Variants in NFYA observed in about 807,000 individuals in gnomAD.
The protein encoded by NFYA is CAAT-box DNA binding protein subunit A.
In NFYA, 28 loss-of-function variants were observed where a neutral mutation model predicts 52.8. The observed-to-expected ratio is 0.53, with a 90% CI of 0.39 to 0.73. The LOEUF (loss-of-function observed/expected upper bound fraction) is 0.73. NFYA is among the 30% of genes least tolerant of loss of function. The pLI is 0.00. For synonymous variants in NFYA, 150 were observed against 150.7 expected, an observed-to-expected ratio of 1.00 and a Z score of 0.03; for missense variants, 234 against 427.0, an observed-to-expected ratio of 0.55 and a Z score of 3.98.
At chr6:41,078,832 A>G (rs1164341491) in intron 1 of NFYA, among the ~76,000 whole-genome samples, 197 bp from the exon 2 acceptor site, 4 of 152,248 alleles carry the variant, frequency 2.6e-5, no homozygotes, top group Non-Finnish European at 5.9e-5. Context: ...AGCATTTTAG[A>G]AACGTGAAAA....
At chr6:41,093,558 C>T (rs1402492826) in intron 8 of NFYA, among the ~76,000 whole-genome samples, 2 of 151,990 alleles carry the variant, frequency 1.3e-5, no homozygotes, top group African/African-American at 4.8e-5. Flanking sequence ...GCAACCTGCA[C>T]CTTCCATGTT....
At chr6:41,095,078 G>A (rs1314062876) in intron 9 of NFYA, among the ~76,000 whole-genome samples, 4 of 151,788 alleles carry the variant, frequency 2.6e-5, no homozygotes, top group African/African-American at 9.7e-5. Context: ...TTCCACTTTT[G>A]TTCCCCTCTA....
chr6:41,073,239 G>C lies in NFYA; in HGVS notation c.-62+155G>C, dbSNP rs571283013. Among the ~76,000 whole-genome samples the C allele has an allele frequency of 2.5e-4, 38 of 151,382 alleles. No homozygotes were observed. The East Asian group carries it at 6.3e-3, about 25-fold the overall frequency. Reference sequence around the variant, plus strand: ...GCCGGGCGGCCAGCGGCCCCGGCCCGGGGCCTGCGAGCGCCTCGGGGCACT... The same window carrying C: ...GCCGGGCGGCCAGCGGCCCCGGCCCCGGGCCTGCGAGCGCCTCGGGGCACT... On this transcript the variant is annotated intron_variant, in intron 1 of 9. Transcript: ENST00000341376.
At chr6:41,076,332 A>G (rs141963421) in intron 1 of NFYA, among the ~76,000 whole-genome samples, 305 of 152,362 alleles carry the variant, frequency 2.0e-3, no homozygotes, top group African/African-American at 6.9e-3. Flanking sequence ...TTTCAGTTAC[A>G]TGCTTTATAC....
chr6:41,086,940 T>C (rs1764064406), intron 4 of NFYA, among the ~76,000 whole-genome samples: 1 of 152,154 alleles, frequency 6.6e-6, no homozygotes, highest in African/African-American at 2.4e-5. Flanking sequence ...TTTTATGCTA[T>C]AGAGAAGGAT....
intron 4 of NFYA, among the ~76,000 whole-genome samples, chr6:41,088,858 G>A (rs529442634): frequency 1.0e-3 from 158 of 151,734 alleles, no homozygotes; most frequent in African/African-American, 3.6e-3. Context: ...TGGGATTATG[G>A]GCATAAGCCA....
intron 2 of NFYA, 68 bp downstream of exon 2, chr6:41,079,232 G>A: frequency 6.9e-7 from 1 of 1,443,784 alleles, no homozygotes; most frequent in Non-Finnish European, 9.7e-7. Flanking sequence ...CAATTGGTTG[G>A]TCTATTGCCC....
intron 1 of NFYA, 112 bp from the exon 2 acceptor site, chr6:41,078,917 C>T (rs1265899464): frequency 3.6e-6 from 2 of 552,336 alleles, no homozygotes; most frequent in African/African-American, 3.7e-5. Flanking sequence ...TTCCTATTCT[C>T]CTATCCTGTT....
rs1217699335 is a variant in NFYA at position 41,091,498 on chromosome 6, TTGTTTGTTTTA to T, written c.548-24_548-14del. ...TCTTTCTGTTCTGTGTGCCTGTTTTTTGTTTGTTTTATGTTTTGTTTTCTTAAAGTTACAGT... is the reference window on the plus strand; with the variant it reads ...TCTTTCTGTTCTGTGTGCCTGTTTTTTGTTTTGTTTTCTTAAAGTTACAGT... On this transcript the variant is annotated intron_variant, in intron 6 of 9. Coordinates refer to ENST00000341376, the MANE Select transcript of NFYA (RefSeq NM_002505.5). 1.2e-6 allele frequency: 2 copies of T among 1,609,466 alleles called. No homozygotes were observed. Among genetic ancestry groups the T allele is most frequent in the Non-Finnish European group, 1.7e-6 (2 of 1,177,132 alleles).
chr6:41,084,262 T>A, intron 4 of NFYA, 70 bp downstream of exon 4: 1 of 1,522,430 alleles, frequency 6.6e-7, no homozygotes, highest in Non-Finnish European at 8.9e-7. Context: ...TATTACAACC[T>A]ATTTGATAAT....
intron 4 of NFYA, among the ~76,000 whole-genome samples, chr6:41,086,893 A>G (rs1276257473): frequency 1.3e-5 from 2 of 152,208 alleles, no homozygotes; most frequent in East Asian, 3.8e-4. Context: ...AAATGTAGAA[A>G]AGTAAACTTG....
intron 4 of NFYA, among the ~76,000 whole-genome samples, chr6:41,087,224 T>C (rs1289978191): frequency 6.6e-6 from 1 of 152,240 alleles, no homozygotes; most frequent in African/African-American, 2.4e-5. Flanking sequence ...TATTTGCCAA[T>C]ACTTTCTGAA....
chr6:41,079,180 T>C lies in NFYA; in HGVS notation c.75+16T>C. Reference sequence around the variant, plus strand: ...TCAGCAGCAGGTATGGAAGCAAAACTGCTTTAAACATTACAGCAATGAAAC... The same window carrying C: ...TCAGCAGCAGGTATGGAAGCAAAACCGCTTTAAACATTACAGCAATGAAAC... On this transcript the variant is annotated intron_variant, in intron 2 of 9. Transcript: ENST00000341376. The C allele has an allele frequency of 6.2e-7, 1 of 1,613,152 alleles. No homozygotes were observed. The highest frequency in any genetic ancestry group is 8.5e-7 in the Non-Finnish European group (1 of 1,179,106).
At position 41,093,631 on chromosome 6, in the gene NFYA, C is replaced by T. The variant is rs572743281; in HGVS notation, c.888+546C>T. 5.9e-5 allele frequency among the ~76,000 whole-genome samples: 9 copies of T among 152,278 alleles called. No individual in the cohort carries two copies. The East Asian group carries it at 1.7e-3, about 29-fold the overall frequency. On this transcript the variant is annotated intron_variant, in intron 8 of 9. Transcript: ENST00000341376. ...GATTACAGGTGTGCGCCACCACGCC[C>T]AGCTTATTTTTGTGTTTTTAGTAGA... is the stretch of plus-strand genomic sequence containing the variant.
chr6:41,083,695 A>G (rs532132207), intron 3 of NFYA, among the ~76,000 whole-genome samples: 1 of 152,270 alleles, frequency 6.6e-6, no homozygotes, highest in South Asian at 2.1e-4. Context: ...AGCCTTCACT[A>G]CAGACCATTC....
intron 1 of NFYA, among the ~76,000 whole-genome samples, chr6:41,076,767 A>G (rs1763743277): frequency 6.6e-6 from 1 of 152,214 alleles, no homozygotes; most frequent in Admixed American, 6.5e-5. Flanking sequence ...ATCTTGGGCA[A>G]AGAGGCACTT....
At chr6:41,093,368 A>G (rs544397229) in intron 8 of NFYA, among the ~76,000 whole-genome samples, 1 of 152,330 alleles carries the variant, frequency 6.6e-6, no homozygotes, top group Admixed American at 6.5e-5. Context: ...ACAGTTCTCA[A>G]GACCTGTTTC....
At chr6:41,091,813 G>T in intron 7 of NFYA, 119 bp downstream of exon 7, 2 of 1,087,086 alleles carry the variant, frequency 1.8e-6, no homozygotes, top group African/African-American at 1.6e-5. Flanking sequence ...AGGCACTGTC[G>T]GTAATCTACT....
At chr6:41,093,471 CTTTTT>C (rs769282285) in intron 8 of NFYA, among the ~76,000 whole-genome samples, 5 of 142,578 alleles carry the variant, frequency 3.5e-5, no homozygotes, top group African/African-American at 1.3e-4. Context: ...GGTACCCTTT[CTTTTT>C]TTTTTTTTTC....
Sources: gnomAD v4.1 joint callset for allele counts (sites outside exome capture counted in the v4.1 genomes callset) on GRCh38, gnomAD v4.1.1 for gene constraint, MANE v1.5 for transcripts, NCBI Gene and HGNC (gene_info 2026-07-23, HGNC 2026-07-21) for gene names.